YEATS2: variants seen among roughly 807,000 people sequenced by gnomAD.
YEATS2 encodes the protein YEATS domain-containing protein 2.
In YEATS2, 77 loss-of-function variants were observed where a neutral mutation model predicts 163.2. That is an observed-to-expected ratio of 0.47 (90% CI 0.39 to 0.57). YEATS2 has a LOEUF of 0.57. YEATS2 is among the 20% of genes least tolerant of loss of function. The pLI is 0.00. For synonymous variants in YEATS2, 631 were observed against 645.1 expected (o/e 0.98, Z 0.33); for missense variants, 1,549 against 1,729.8 (o/e 0.90, Z 1.85).
intron 15 of YEATS2, among the ~76,000 whole-genome samples, chr3:183,763,489 C>T (rs1721589979): frequency 6.6e-6 from 1 of 152,160 alleles, no homozygotes; most frequent in Admixed American, 6.5e-5. Flanking sequence ...TTTGTGTATG[C>T]CATGCTTGTA....
At chr3:183,754,399 G>C in intron 11 of YEATS2, 34 bp downstream of exon 11, 1 of 1,565,188 alleles carries the variant, frequency 6.4e-7, no homozygotes, top group Non-Finnish European at 8.7e-7. Flanking sequence ...TGTATGTGGA[G>C]TTGACTGGAT....
At position 183,746,886 on chromosome 3, in the gene YEATS2, C is replaced by G. The variant is rs570388706; in HGVS notation, c.925-786C>G. On this transcript the variant is annotated intron_variant, in intron 8 of 30. Coordinates refer to ENST00000305135, the MANE Select transcript of YEATS2 (RefSeq NM_018023.5). ...TAAAACCTTGTATTTACTAACCTAC[C>G]CTGGCTTCATTTTTTCCCTCTCTTT... Among the ~76,000 whole-genome samples the G allele has an allele frequency of 9.1e-4, 139 of 152,096 alleles. 1 individual carries two copies. The highest frequency in any genetic ancestry group is 3.2e-3 in the African/African-American group (131 of 41,504).
At chr3:183,712,179 T>TTTATG (rs1159890225) in intron 1 of YEATS2, among the ~76,000 whole-genome samples, 2 of 101,976 alleles carry the variant, frequency 2.0e-5, no homozygotes, top group African/African-American at 1.2e-4. Context: ...GAGTTAGCAT[T>TTTATG]TTATGTTCTT....
At chr3:183,773,965 A>G (rs1335991830) in intron 17 of YEATS2, among the ~76,000 whole-genome samples, 171 bp downstream of exon 17, 1 of 152,212 alleles carries the variant, frequency 6.6e-6, no homozygotes, top group Non-Finnish European at 1.5e-5. Context: ...TAATTTAACT[A>G]GAAGTGGGTT....
chr3:183,756,573 C>G lies in YEATS2; in HGVS notation c.1436C>G (p.Pro479Arg). 6.2e-7 allele frequency: 1 copy of G among 1,605,378 alleles called. No individual in the cohort carries two copies. Among genetic ancestry groups the G allele is most frequent in the Non-Finnish European group, 8.5e-7 (1 of 1,176,150 alleles). Residue 479 changes from proline to arginine, a missense_variant, in exon 12 of 31, where the codon CCG (proline) becomes CGG (arginine). Coordinates refer to ENST00000305135, the MANE Select transcript of YEATS2 (RefSeq NM_018023.5). ...AGCCCATCACCATTGCCTCGAACCCCGACTTCCACTCCAGTCCACGTGAAG... is the reference window on the plus strand; with the variant it reads ...AGCCCATCACCATTGCCTCGAACCCGGACTTCCACTCCAGTCCACGTGAAG... The part of the protein sequence containing the change: ...TPSPSPLPRT[P>R]TSTPVHVKQG...
chr3:183,777,249 G>T (rs938839215), intron 18 of YEATS2, among the ~76,000 whole-genome samples: 2 of 152,198 alleles, frequency 1.3e-5, no homozygotes, highest in African/African-American at 4.8e-5. Context: ...TATTGAGAAA[G>T]ATGATATCAG....
intron 19 of YEATS2, 32 bp from the exon 20 acceptor site, chr3:183,786,093 C>T: frequency 2.5e-6 from 4 of 1,600,784 alleles, no homozygotes; most frequent in Non-Finnish European, 3.4e-6. Flanking sequence ...TCCAAGGCAA[C>T]ATGATTATTT....
chr3:183,800,470 G>C lies in YEATS2; in HGVS notation c.3330G>C (p.Lys1110Asn), dbSNP rs1383116855. Residue 1110 changes from lysine (K) to asparagine (N), a missense_variant, in exon 24 of 31, where the codon AAG becomes AAC. Lys to Asn is a moderately conservative substitution (Grantham distance 94, BLOSUM62 0). Transcript: ENST00000305135. ...SSAPAAVAKV[K>N]TEPETPGPSC... is the part of the protein sequence containing the mutation. Reference sequence around the variant, plus strand: ...TTTGTTGCTCTTCCCTTGTAGTGAAGACTGAACCAGAAACACCTGGACCGA... The same window carrying C: ...TTTGTTGCTCTTCCCTTGTAGTGAACACTGAACCAGAAACACCTGGACCGA... 6.2e-7 allele frequency: 1 copy of C among 1,613,704 alleles called. No homozygotes were observed. The highest frequency in any genetic ancestry group is 1.3e-5 in the African/African-American group (1 of 74,932).
chr3:183,808,253 G>GGTTTTTT, intron 29 of YEATS2, 149 bp downstream of exon 29: 1 of 638,656 alleles, frequency 1.6e-6, no homozygotes, highest in East Asian at 3.0e-5. Context: ...TTGTTTTTTT[G>GGTTTTTT]TTTTTTTTCC....
chr3:183,762,317 A>G (rs763876516), intron 15 of YEATS2, 38 bp downstream of exon 15: 2 of 1,507,108 alleles, frequency 1.3e-6, no homozygotes, highest in East Asian at 2.3e-5. Flanking sequence ...TCACATGTAA[A>G]TGATGTTGTT....
Position 183,756,581 on chromosome 3 carries a change from A to G in YEATS2, c.1444A>G (p.Thr482Ala), listed in dbSNP as rs1405343435. The G allele has an allele frequency of 6.2e-7, 1 of 1,605,028 alleles. No individual in the cohort carries two copies. Among genetic ancestry groups the G allele is most frequent in the African/African-American group, 1.3e-5 (1 of 74,540 alleles). The change falls in exon 12 of 31, where the codon ACT (threonine) becomes GCT (alanine). Residue 482 changes from threonine to alanine, a missense_variant. Coordinates refer to ENST00000305135, the MANE Select transcript of YEATS2 (RefSeq NM_018023.5). ...ACCATTGCCTCGAACCCCGACTTCCACTCCAGTCCACGTGAAGCAAGGCAC... is the reference window on the plus strand; with the variant it reads ...ACCATTGCCTCGAACCCCGACTTCCGCTCCAGTCCACGTGAAGCAAGGCAC... ...PSPLPRTPTS[T>A]PVHVKQGTAG...
At chr3:183,730,059 T>TGTTTGTTG (rs1560244382) in intron 7 of YEATS2, among the ~76,000 whole-genome samples, 1 of 72,500 alleles carries the variant, frequency 1.4e-5, no homozygotes, top group African/African-American at 8.2e-5. Context: ...TTTGTTTTTT[T>TGTTTGTTG]TTTTTTTTTT....
intron 1 of YEATS2, among the ~76,000 whole-genome samples, chr3:183,700,523 G>A (rs1713947039): frequency 6.6e-6 from 1 of 151,940 alleles, no homozygotes; most frequent in Admixed American, 6.6e-5. Context: ...CCAGTAGATG[G>A]TGGGAGTTGA....
chr3:183,808,981 T>C (rs1159037124), intron 29 of YEATS2, 116 bp from the exon 30 acceptor site: 5 of 992,104 alleles, frequency 5.0e-6, no homozygotes, highest in Admixed American at 4.0e-5. Flanking sequence ...TTAAGGACTT[T>C]TTAATCCCTA....
intron 4 of YEATS2, among the ~76,000 whole-genome samples, 169 bp from the exon 5 acceptor site, chr3:183,721,722 T>G (rs893020608): frequency 3.9e-5 from 6 of 152,182 alleles, no homozygotes; most frequent in Admixed American, 1.3e-4. Flanking sequence ...TTTTGTTTGG[T>G]TGGTTCAGGC....
At chr3:183,752,374 T>C in intron 10 of YEATS2, 121 bp downstream of exon 10, 10 of 1,224,450 alleles carry the variant, frequency 8.2e-6, no homozygotes, top group Non-Finnish European at 1.1e-5. Flanking sequence ...CTGCCTCTAC[T>C]ACACAGTTCT....
At chr3:183,758,780 A>AGGG (rs879243840) in intron 12 of YEATS2, 82 bp from the exon 13 acceptor site, 30 of 937,320 alleles carry the variant, frequency 3.2e-5, no homozygotes, top group Middle Eastern at 4.3e-4. Flanking sequence ...AGTGCGAAAG[A>AGGG]GGGGAGGATG....
chr3:183,718,695 G>T, intron 4 of YEATS2, 103 bp downstream of exon 4: 1 of 1,029,640 alleles, frequency 9.7e-7, no homozygotes, highest in Non-Finnish European at 1.4e-6. Context: ...ATTTCTTTCT[G>T]TTTGTTTTTT....
At chr3:183,708,376 A>G (rs1714841443) in intron 1 of YEATS2, among the ~76,000 whole-genome samples, 1 of 151,842 alleles carries the variant, frequency 6.6e-6, no homozygotes, top group Non-Finnish European at 1.5e-5. Flanking sequence ...TGTTGGCCAC[A>G]TCTTATATGA....
Sources: gnomAD v4.1 joint callset for allele counts (sites outside exome capture counted in the v4.1 genomes callset) on GRCh38, gnomAD v4.1.1 for gene constraint, MANE v1.5 for transcripts, NCBI Gene and HGNC (gene_info 2026-07-23, HGNC 2026-07-21) for gene names.